Variants in PDE6G observed in about 807,000 individuals in gnomAD.
PDE6G encodes phosphodiesterase 6G.
PDE6G carries 10 observed loss-of-function variants against 10.9 expected under a neutral mutation model. The ratio of observed to expected loss-of-function variants is 0.91; its 90% CI spans 0.56 to 1.55. The LOEUF is 1.55. Ranked by LOEUF, PDE6G falls within the 40% of genes most tolerant of loss-of-function variation. The pLI is 0.00. For missense variants in PDE6G, 102 were observed against 110.1 expected, an observed-to-expected ratio of 0.93 and a Z score of 0.33; for synonymous variants, 41 against 42.8, an observed-to-expected ratio of 0.96 and a Z score of 0.16.
intron 1 of PDE6G, among the ~76,000 whole-genome samples, chr17:81,654,407 T>C (rs1413577688): frequency 2.3e-5 from 3 of 131,804 alleles, no homozygotes; most frequent in Non-Finnish European, 3.1e-5. Context: ...TGAGACAGAG[T>C]CTTGCTCTGT....
rs563658721 is a variant in PDE6G at position 81,653,813 on chromosome 17, T to G, written c.-59-449A>C. On this transcript the variant is annotated intron_variant, in intron 1 of 3. Coordinates refer to ENST00000331056, the MANE Select transcript of PDE6G (RefSeq NM_002602.4). The surrounding 1 kb of genome is among the most constrained non-coding windows in gnomAD (Gnocchi z 5.2). ...AACTGCTACTCTGGGTTTTTTTTTGTTTTGTTTTGTTTTTGAGACAGAGTT... is the reference window on the plus strand; with the variant it reads ...AACTGCTACTCTGGGTTTTTTTTTGGTTTGTTTTGTTTTTGAGACAGAGTT... 4.5e-4 allele frequency: 74 copies of G among 163,188 alleles called. No homozygotes were observed. The highest frequency in any genetic ancestry group is 3.2e-3 in the Middle Eastern group (1 of 316). The allele number at this position is 163,188 out of a possible 1,614,324, so 10.1% of individuals were successfully genotyped here.
chr17:81,653,637 G>A lies in PDE6G; in HGVS notation c.-59-273C>T, dbSNP rs899463125. ...CCCCTGTCCTGGCCTCCCTCGCCCCGGCCCACAATCCACAGCAAACCTAGC... is the reference window on the plus strand; with the variant it reads ...CCCCTGTCCTGGCCTCCCTCGCCCCAGCCCACAATCCACAGCAAACCTAGC... On this transcript the variant is annotated intron_variant, in intron 1 of 3. Transcript: ENST00000331056. This position sits in a 1 kb window ranked among gnomAD's most constrained non-coding sequence, Gnocchi z 5.2. 51 of 391,080 alleles carry A rather than the reference G, an allele frequency of 1.3e-4. No homozygotes were observed. Among genetic ancestry groups the A allele is most frequent in the Non-Finnish European group, 2.1e-4 (44 of 205,924 alleles). 24.2% of individuals were successfully genotyped at this position (391,080 alleles called of 1,614,324 possible). A position where few individuals can be genotyped will look rare whatever the true frequency, so the allele number is the denominator to read the frequency against.
upstream of PDE6G, chr17:81,656,784 A>C: frequency 1.6e-6 from 1 of 620,982 alleles, no homozygotes; most frequent in Non-Finnish European, 2.9e-6. Flanking sequence ...CCCATCTTCC[A>C]GATGGAAGCA....
chr17:81,660,841 G>A (rs1204642375), upstream of PDE6G, among the ~76,000 whole-genome samples: 1 of 151,942 alleles, frequency 6.6e-6, no homozygotes, highest in Non-Finnish European at 1.5e-5. Flanking sequence ...TCTATCTACA[G>A]GCTAAGCAGA....
upstream of PDE6G, among the ~76,000 whole-genome samples, chr17:81,659,978 A>C (rs1415834598): frequency 6.6e-6 from 1 of 151,990 alleles, no homozygotes; most frequent in African/African-American, 2.4e-5. Flanking sequence ...CCAGCTACTC[A>C]GGAGGCTGAG....
At chr17:81,652,573 G>A (rs960735647) in intron 2 of PDE6G, among the ~76,000 whole-genome samples, 26 of 151,132 alleles carry the variant, frequency 1.7e-4, no homozygotes, top group African/African-American at 5.8e-4. Context: ...CACCGCCCCC[G>A]GCCGTTTTGT....
intron 1 of PDE6G, among the ~76,000 whole-genome samples, chr17:81,654,713 C>A (rs1178001401): frequency 6.7e-6 from 1 of 150,194 alleles, no homozygotes; most frequent in East Asian, 2.0e-4. Context: ...CAAAGTAGCC[C>A]CCTAGGATCC....
chr17:81,651,828 C>T lies in PDE6G; in HGVS notation c.147-143G>A. On this transcript the variant is annotated intron_variant, in intron 2 of 3. Transcript: ENST00000331056. The surrounding 1 kb of genome is among the most constrained non-coding windows in gnomAD (Gnocchi z 4.8). Reference sequence around the variant, plus strand: ...GGCAGAGACCCGCCTCCTCCCCAACCTCCCAGGGCTTGGCGCATCTGAGGA... The same window carrying T: ...GGCAGAGACCCGCCTCCTCCCCAACTTCCCAGGGCTTGGCGCATCTGAGGA... The T allele has an allele frequency of 1.2e-6, 1 of 856,952 alleles. No homozygotes were observed. Among genetic ancestry groups the T allele is most frequent in the Non-Finnish European group, 1.9e-6 (1 of 523,128 alleles). The allele number at this position is 856,952 out of a possible 1,614,324, so 53.1% of individuals were successfully genotyped here.
upstream of PDE6G, chr17:81,656,733 G>A (rs2036452391): frequency 1.5e-6 from 1 of 667,252 alleles, no homozygotes; most frequent in Admixed American, 2.1e-5. Flanking sequence ...GCCGGGACAG[G>A]GAGAGAAGTG....
At position 81,653,142 on chromosome 17, in the gene PDE6G, TCC is replaced by T; in HGVS notation, c.146+16_146+17del. 1 of 1,583,484 alleles carries T rather than the reference TCC, an allele frequency of 6.3e-7. No homozygotes were observed. Among genetic ancestry groups the T allele is most frequent in the Non-Finnish European group, 8.6e-7 (1 of 1,161,304 alleles). ...CGCCTCCTCCCTTTCAGAGGCCCCATCCCCCAGCTCTGCTTACCCTTGAACGC... is the reference window on the plus strand; with the variant it reads ...CGCCTCCTCCCTTTCAGAGGCCCCATCCCAGCTCTGCTTACCCTTGAACGC... On this transcript the variant is annotated intron_variant, in intron 2 of 3. Coordinates refer to ENST00000331056, the MANE Select transcript of PDE6G (RefSeq NM_002602.4). This position sits in a 1 kb window ranked among gnomAD's most constrained non-coding sequence, Gnocchi z 5.2.
In PDE6G at chr17:81,651,045, GA is replaced by G; in HGVS notation, c.*28del. Reference sequence around the variant, plus strand: ...TTTAGAGCACAGTGGGCAGGAGGGGGAGGGTCTGGACTTCAGCAGGGCCTCG... The same window carrying G: ...TTTAGAGCACAGTGGGCAGGAGGGGGGGGTCTGGACTTCAGCAGGGCCTCG... On this transcript the variant is annotated 3_prime_UTR_variant, in exon 4 of 4. Transcript: ENST00000331056. The surrounding 1 kb of genome is among the most constrained non-coding windows in gnomAD (Gnocchi z 4.8). The G allele has an allele frequency of 1.3e-6, 2 of 1,521,686 alleles. No homozygotes were observed. The highest frequency in any genetic ancestry group is 1.8e-6 in the Non-Finnish European group (2 of 1,095,868). The allele number at this position is 1,521,686 out of a possible 1,614,324, so 94.3% of individuals were successfully genotyped here. A position where few individuals can be genotyped will look rare whatever the true frequency, so the allele number is the denominator to read the frequency against.
In PDE6G at chr17:81,653,420, G is replaced by A. The variant is rs2036398581; in HGVS notation, c.-59-56C>T. On this transcript the variant is annotated intron_variant, in intron 1 of 3. Coordinates refer to ENST00000331056, the MANE Select transcript of PDE6G (RefSeq NM_002602.4). This position sits in a 1 kb window ranked among gnomAD's most constrained non-coding sequence, Gnocchi z 5.2. ...AGCCCTCCTGCTTCCAACCCTTGTG[G>A]GGGTCTCAACCCACCGGTGGAGGGG... The A allele has an allele frequency of 1.5e-6, 2 of 1,295,510 alleles. No homozygotes were observed. Among genetic ancestry groups the A allele is most frequent in the East Asian group, 2.5e-5 (1 of 40,122 alleles). 80.3% of individuals were successfully genotyped at this position (1,295,510 alleles called of 1,614,324 possible).
At position 81,656,527 on chromosome 17, in the gene PDE6G, G is replaced by C. The variant is rs1419093048; in HGVS notation, c.-94C>G. 2.6e-6 allele frequency: 2 copies of C among 763,934 alleles called. No individual in the cohort carries two copies. The highest frequency in any genetic ancestry group is 3.4e-5 in the African/African-American group (2 of 59,138). The allele number at this position is 763,934 out of a possible 1,614,324, so 47.3% of individuals were successfully genotyped here. On this transcript the variant is annotated 5_prime_UTR_variant, in exon 1 of 4. Coordinates refer to ENST00000331056, the MANE Select transcript of PDE6G (RefSeq NM_002602.4). ...GGCGGGTCTCAGGGGGCTGTGCTGT[G>C]AGTGCTGGGCCTCCCTCCGCAGGGT...
At chr17:81,655,052 C>T (rs1401753615) in intron 1 of PDE6G, among the ~76,000 whole-genome samples, 4 of 152,190 alleles carry the variant, frequency 2.6e-5, no homozygotes, top group East Asian at 1.9e-4. Context: ...CCACTGCGCC[C>T]GGCCAACCCC....
chr17:81,659,360 A>G (rs1286849722), upstream of PDE6G, among the ~76,000 whole-genome samples: 1 of 151,904 alleles, frequency 6.6e-6, no homozygotes, highest in East Asian at 1.9e-4. Flanking sequence ...GTACTTTTGG[A>G]GGACGAGGTG....
chr17:81,663,062 G>C (rs755502913), exon 1 of PDE6G: 1 of 152,198 alleles, frequency 6.6e-6, no homozygotes, highest in East Asian at 1.9e-4. Context: ...ATCTTACTTC[G>C]GGAATTCTTG....
chr17:81,652,197 G>A (rs1020489019), intron 2 of PDE6G, among the ~76,000 whole-genome samples: 1 of 152,114 alleles, frequency 6.6e-6, no homozygotes, highest in Non-Finnish European at 1.5e-5. Flanking sequence ...TGATGGGAGC[G>A]AGATGCCCGT....
chr17:81,650,590 A>G lies in PDE6G; in HGVS notation c.*484T>C. 2.2e-6 allele frequency: 1 copy of G among 454,244 alleles called. No homozygotes were observed. The highest frequency in any genetic ancestry group is 1.6e-5 in the South Asian group (1 of 64,470). The allele number at this position is 454,244 out of a possible 1,614,324, so 28.1% of individuals were successfully genotyped here. On this transcript the variant is annotated 3_prime_UTR_variant, in exon 4 of 4. Transcript: ENST00000331056. ...TGCACGCCCTGGAGTCCTGCTACCC[A>G]GCATGTCCAAACTAAGGGCACCCCC...
At chr17:81,656,428 G>C in intron 1 of PDE6G, 65 bp downstream of exon 1, 1 of 719,720 alleles carries the variant, frequency 1.4e-6, no homozygotes. Flanking sequence ...GTGATGAGCA[G>C]ACCCCCACTG....
Sources: gnomAD v4.1 joint callset for allele counts (sites outside exome capture counted in the v4.1 genomes callset) on GRCh38, gnomAD v4.1.1 for gene constraint, Gnocchi (gnomAD v3.1) non-coding constraint, MANE v1.5 for transcripts, NCBI Gene and HGNC (gene_info 2026-07-23, HGNC 2026-07-21) for gene names.